The following SCARA3 variants were observed in gnomAD, a reference collection of about 807,000 sequenced individuals.
SCARA3 encodes the protein scavenger receptor class A member 3.
Under a neutral mutation model 47.0 loss-of-function variants are expected in SCARA3, and 39 were observed. That is an observed-to-expected ratio of 0.83 (90% CI 0.64 to 1.08). SCARA3 has a LOEUF of 1.08. Among genes scored for constraint, SCARA3 ranks in the 50% least tolerant of loss-of-function variants. The pLI is 0.00. For synonymous variants in SCARA3, 356 were observed against 334.1 expected (o/e 1.07, Z -0.71); for missense variants, 724 against 792.3 (o/e 0.91, Z 1.04).
chr8:27,698,119 G>A, the SCARA3 span, among the ~76,000 whole-genome samples: 3 of 152,182 alleles, frequency 2.0e-5, no homozygotes, highest in Non-Finnish European at 4.4e-5. Context: ...TCAGATCAAT[G>A]AAAGCTCACA....
At chr8:27,656,685 G>A in intron 3 of SCARA3, 97 bp from the exon 4 acceptor site, 1 of 775,804 alleles carries the variant, frequency 1.3e-6, no homozygotes, top group African/African-American at 1.7e-5. Context: ...GAAAGGTTTT[G>A]GTTGCAGAGG....
the SCARA3 span, among the ~76,000 whole-genome samples, chr8:27,699,369 T>C: frequency 3.3e-5 from 5 of 151,236 alleles, no homozygotes; most frequent in South Asian, 2.1e-4. Flanking sequence ...TGACAGAGTC[T>C]TGCTCTGTCA....
At chr8:27,683,924 G>C in the SCARA3 span, among the ~76,000 whole-genome samples, 5 of 152,056 alleles carry the variant, frequency 3.3e-5, no homozygotes, top group African/African-American at 1.2e-4. Context: ...ACTATGTAAT[G>C]AAGAAAAGAA....
the SCARA3 span, among the ~76,000 whole-genome samples, chr8:27,709,532 C>A: frequency 6.6e-6 from 1 of 152,200 alleles, no homozygotes; most frequent in Non-Finnish European, 1.5e-5. Context: ...AGCACTGAGG[C>A]AGGGGGAGGC....
intron 3 of SCARA3, 48 bp downstream of exon 3, chr8:27,651,675 A>G (rs776490058): frequency 1.2e-6 from 2 of 1,604,926 alleles, no homozygotes; most frequent in Non-Finnish European, 1.7e-6. Context: ...GTGTCTGATC[A>G]GGGATCCAGC....
chr8:27,649,698 A>G lies in SCARA3; in HGVS notation c.8-4A>G. The G allele has an allele frequency of 3.7e-6, 6 of 1,613,980 alleles. No individual in the cohort carries two copies. Among genetic ancestry groups the G allele is most frequent in the Non-Finnish European group, 5.1e-6 (6 of 1,179,982 alleles). The stretch of plus-strand genomic sequence containing the variant: ...TGGGTCTGACGGCACTGGCTTCATT[A>G]TAGTGAGGTCGGCCGGCGGCGATGG... On this transcript the variant is annotated splice_region_variant and splice_polypyrimidine_tract_variant and intron_variant, in intron 1 of 5. Coordinates refer to ENST00000301904, the MANE Select transcript of SCARA3 (RefSeq NM_016240.3).
At chr8:27,661,224 A>T (rs1801907230) in intron 5 of SCARA3, among the ~76,000 whole-genome samples, 1 of 152,084 alleles carries the variant, frequency 6.6e-6, no homozygotes, top group Non-Finnish European at 1.5e-5. Context: ...TCACAAGCCC[A>T]CCCCTTGTCT....
Position 27,658,689 on chromosome 8 carries a change from T to C in SCARA3, c.519T>C (p.Ser173=). The C allele has an allele frequency of 6.2e-7, 1 of 1,614,056 alleles. No individual in the cohort carries two copies. The highest frequency in any genetic ancestry group is 2.2e-5 in the East Asian group (1 of 44,862). The part of the protein sequence containing the change: ...TSRQISQEMG[S]CSFSIHQVNQ... ...GACAAATCTCCCAGGAGATGGGCAG[T>C]TGCTCCTTCTCCATCCACCAGGTTA... The change falls in exon 5 of 6, where the codon AGT becomes AGC. Residue 173 remains serine (S), a synonymous_variant. Transcript: ENST00000301904.
chr8:27,640,042 C>G (rs1484979304), intron 1 of SCARA3, among the ~76,000 whole-genome samples: 2 of 149,930 alleles, frequency 1.3e-5, no homozygotes, highest in Non-Finnish European at 1.5e-5. Context: ...GGGGGAGGGA[C>G]AGAAGAGGCA....
At chr8:27,722,493 A>AGGG in the SCARA3 span, among the ~76,000 whole-genome samples, 1 of 152,010 alleles carries the variant, frequency 6.6e-6, no homozygotes, top group East Asian at 1.9e-4. Context: ...CCTCACACAG[A>AGGG]CCTCCAAACC....
At chr8:27,725,482 G>A in the SCARA3 span, among the ~76,000 whole-genome samples, 1 of 148,962 alleles carries the variant, frequency 6.7e-6, no homozygotes, top group African/African-American at 2.5e-5. Context: ...GAAATTTTAA[G>A]GAATAAATCT....
chr8:27,724,394 T>G, the SCARA3 span, among the ~76,000 whole-genome samples: 1 of 152,156 alleles, frequency 6.6e-6, no homozygotes. Context: ...CCGGGCACAG[T>G]GGCTCAAGCC....
chr8:27,699,113 G>A, the SCARA3 span, among the ~76,000 whole-genome samples: 179 of 151,710 alleles, frequency 1.2e-3, no homozygotes, highest in Middle Eastern at 3.4e-3. Flanking sequence ...GCATGGTGGC[G>A]GGCGCCTGTA....
Position 27,634,049 on chromosome 8 carries a change from G to A in SCARA3, c.-152G>A, listed in dbSNP as rs1421681103. On this transcript the variant is annotated 5_prime_UTR_variant, in exon 1 of 6. Coordinates refer to ENST00000301904, the MANE Select transcript of SCARA3 (RefSeq NM_016240.3). ...TCCTCCCGCCGCCTCCGCAGCCCGCGCGCCGGAGCATGAGTCCCGGCCGGA... is the reference window on the plus strand; with the variant it reads ...TCCTCCCGCCGCCTCCGCAGCCCGCACGCCGGAGCATGAGTCCCGGCCGGA... The A allele has an allele frequency of 1.9e-6, 1 of 526,394 alleles. No homozygotes were observed. The highest frequency in any genetic ancestry group is 7.3e-5 in the South Asian group (1 of 13,646). The allele number at this position is 526,394 out of a possible 1,614,324, so 32.6% of individuals were successfully genotyped here.
the SCARA3 span, among the ~76,000 whole-genome samples, chr8:27,686,872 G>A: frequency 1.3e-5 from 2 of 152,200 alleles, no homozygotes; most frequent in Non-Finnish European, 2.9e-5. Flanking sequence ...ATGGTGGTTT[G>A]CTGAACAGAT....
At chr8:27,703,616 G>A in the SCARA3 span, 3 of 152,196 alleles carry the variant, frequency 2.0e-5, no homozygotes, top group Non-Finnish European at 4.4e-5. Flanking sequence ...CTGAGACTAG[G>A]GTTGGGGGGG....
chr8:27,659,637 T>C, intron 5 of SCARA3, 98 bp downstream of exon 5: 1 of 1,020,680 alleles, frequency 9.8e-7, no homozygotes, highest in Non-Finnish European at 1.4e-6. Flanking sequence ...AAAGTACTAG[T>C]GGGCTAACAC....
chr8:27,662,450 G>A (rs980566247), intron 5 of SCARA3, among the ~76,000 whole-genome samples: 1 of 152,216 alleles, frequency 6.6e-6, no homozygotes, highest in South Asian at 2.1e-4. Context: ...GCCCTACTTC[G>A]TCTGCTGTGA....
In SCARA3 at chr8:27,658,492, A is replaced by G. The variant is rs377211503; in HGVS notation, c.326-4A>G. 12 of 1,592,146 alleles carry G rather than the reference A, an allele frequency of 7.5e-6. No homozygotes were observed. In the African/African-American group the frequency reaches 1.6e-4, roughly 21 times the overall value. Reference sequence around the variant, plus strand: ...ACTCAAACTGTTATCCCTTTCCCCTAAAGATCCGAAAGCCCTGAACAACTG... The same window carrying G: ...ACTCAAACTGTTATCCCTTTCCCCTGAAGATCCGAAAGCCCTGAACAACTG... On this transcript the variant is annotated splice_region_variant and splice_polypyrimidine_tract_variant and intron_variant, in intron 4 of 5. Coordinates refer to ENST00000301904, the MANE Select transcript of SCARA3 (RefSeq NM_016240.3).
Sources: gnomAD v4.1 joint callset for allele counts (sites outside exome capture counted in the v4.1 genomes callset) on GRCh38, gnomAD v4.1.1 for gene constraint, MANE v1.5 for transcripts, NCBI Gene and HGNC (gene_info 2026-07-23, HGNC 2026-07-21) for gene names.